The following MTO1 variants were observed in gnomAD, a reference collection of about 807,000 sequenced individuals.
The protein encoded by MTO1 is mitochondrial tRNA translation optimization 1.
In MTO1, 46 loss-of-function variants were observed where a neutral mutation model predicts 71.6. That is an observed-to-expected ratio of 0.64 (90% CI 0.51 to 0.82). The LOEUF (loss-of-function observed/expected upper bound fraction) is 0.82. Ranked by LOEUF, MTO1 falls within the 40% of genes least tolerant of loss-of-function variation. The pLI, the probability that MTO1 is intolerant of heterozygous loss-of-function variation, is 0.00. For missense variants in MTO1, 773 were observed against 867.5 expected (o/e 0.89, Z 1.37); for synonymous variants, 297 against 312.1 (o/e 0.95, Z 0.51).
At chr6:73,470,452 CA>C (rs1342956608) in intron 3 of MTO1, among the ~76,000 whole-genome samples, 2 of 152,072 alleles carry the variant, frequency 1.3e-5, no homozygotes, top group African/African-American at 4.8e-5. Context: ...GTGGTCCGCC[CA>C]CCTCGGCCTC....
chr6:73,492,342 G>A lies in MTO1; in HGVS notation c.1746G>A (p.Leu582=). 1 of 1,602,708 alleles carries A rather than the reference G, an allele frequency of 6.2e-7. No individual in the cohort carries two copies. Among genetic ancestry groups the A allele is most frequent in the South Asian group, 1.1e-5 (1 of 90,850 alleles). The change falls in exon 10 of 12, where the codon CTG becomes CTA. Residue 582 remains leucine (L), a synonymous_variant. Transcript: ENST00000498286. ...YTKCRELAER[L]KIEATYESVL... is the part of the protein sequence containing the mutation. ...AATGTAGAGAGCTGGCTGAAAGACT[G>A]AAAATAGAAGGTAGAAAATAATTTT... is the stretch of plus-strand genomic sequence containing the variant.
intron 1 of MTO1, among the ~76,000 whole-genome samples, chr6:73,462,892 T>A (rs1030083095): frequency 2.0e-5 from 3 of 152,172 alleles, no homozygotes; most frequent in Non-Finnish European, 2.9e-5. Flanking sequence ...CTCCGCTTTC[T>A]GGACTCAAGA....
intron 11 of MTO1, among the ~76,000 whole-genome samples, chr6:73,499,426 G>A (rs1370826235): frequency 6.6e-6 from 1 of 151,742 alleles, no homozygotes; most frequent in Admixed American, 6.6e-5. Flanking sequence ...GGAGGCTGAG[G>A]TGGGAGGATC....
chr6:73,481,912 A>T, intron 7 of MTO1, 128 bp from the exon 8 acceptor site: 1 of 903,154 alleles, frequency 1.1e-6, no homozygotes. Context: ...TTCTACCTCT[A>T]TTATATCCCT....
intron 9 of MTO1, among the ~76,000 whole-genome samples, chr6:73,483,265 C>T (rs190857546): frequency 8.8e-4 from 133 of 151,894 alleles, no homozygotes; most frequent in Non-Finnish European, 1.6e-3. Context: ...AAAAATTAGC[C>T]GGGCGTGGTA....
Position 73,499,007 on chromosome 6 carries a change from G to A in MTO1, c.1917+1111G>A, listed in dbSNP as rs147415740. Among the ~76,000 whole-genome samples, 47 of 152,196 alleles carry A rather than the reference G, an allele frequency of 3.1e-4. No individual in the cohort carries two copies. The East Asian group carries it at 3.1e-3, about 10-fold the overall frequency. On this transcript the variant is annotated intron_variant, in intron 11 of 11. Coordinates refer to ENST00000498286, the MANE Select transcript of MTO1 (RefSeq NM_012123.4). Reference sequence around the variant, plus strand: ...CTCCCAAAGTCCTGGGATTACAGGCGTGAGCCACCGTGCCTGGCCAGTTGC... The same window carrying A: ...CTCCCAAAGTCCTGGGATTACAGGCATGAGCCACCGTGCCTGGCCAGTTGC...
At chr6:73,476,358 G>A (rs1771318399) in intron 4 of MTO1, among the ~76,000 whole-genome samples, 2 of 140,598 alleles carry the variant, frequency 1.4e-5, no homozygotes, top group Admixed American at 1.5e-4. Context: ...TCCAGCCTGG[G>A]CAACAGCAAG....
Position 73,500,610 on chromosome 6 carries a change from G to T in MTO1, c.1954G>T (p.Ala652Ser). ...TAGTCGCATACCCGGAGTAACACCT[G>T]CCGCCATCATCAATCTGCTGAGATT... Reference protein sequence around the residue: ...AASRIPGVTPAAIINLLRFVK... With the variant: ...AASRIPGVTPSAIINLLRFVK... Residue 652 changes from alanine to serine, a missense_variant, in exon 12 of 12, where the codon GCC becomes TCC. By Grantham distance (99) the Ala-to-Ser change is moderately conservative. Transcript: ENST00000498286. The T allele has an allele frequency of 6.2e-7, 1 of 1,613,778 alleles. No individual in the cohort carries two copies. The highest frequency in any genetic ancestry group is 2.2e-5 in the East Asian group (1 of 44,870).
intron 9 of MTO1, among the ~76,000 whole-genome samples, chr6:73,484,153 G>A (rs989925615): frequency 9.2e-5 from 14 of 152,130 alleles, no homozygotes; most frequent in African/African-American, 3.1e-4. Flanking sequence ...AATAGTAACA[G>A]CAGGTTTTAA....
chr6:73,482,317 A>G, intron 8 of MTO1, 73 bp downstream of exon 8: 1 of 1,574,500 alleles, frequency 6.4e-7, no homozygotes, highest in Non-Finnish European at 8.7e-7. Flanking sequence ...AATTTGAGAG[A>G]CCAAGGCAAG....
Position 73,506,990 on chromosome 6 carries a change from C to T in MTO1, c.*6255C>T, listed in dbSNP as rs1192687304. ...CTCTGGGATTACAGGCGTGCGCCAC[C>T]GCGCTCGGTCTATATTCACCAATTT... On this transcript the variant is annotated 3_prime_UTR_variant, in exon 12 of 12. Coordinates refer to ENST00000498286, the MANE Select transcript of MTO1 (RefSeq NM_012123.4). 1.3e-5 allele frequency: 2 copies of T among 148,614 alleles called. No individual in the cohort carries two copies. Among genetic ancestry groups the T allele is most frequent in the East Asian group, 2.0e-4 (1 of 4,882 alleles). 9.2% of individuals were successfully genotyped at this position (148,614 alleles called of 1,614,324 possible).
intron 10 of MTO1, among the ~76,000 whole-genome samples, chr6:73,493,043 G>T: frequency 7.0e-6 from 1 of 142,856 alleles, no homozygotes. Context: ...TGCCCAGGCT[G>T]GGGTGCAGTG....
chr6:73,482,680 A>G, intron 9 of MTO1, 60 bp downstream of exon 9: 1 of 1,410,702 alleles, frequency 7.1e-7, no homozygotes, highest in Non-Finnish European at 9.6e-7. Context: ...TCATAAGATC[A>G]TTTCATAGAG....
chr6:73,495,820 T>C (rs1410217400), intron 10 of MTO1, among the ~76,000 whole-genome samples: 2 of 152,180 alleles, frequency 1.3e-5, no homozygotes, highest in Non-Finnish European at 2.9e-5. Flanking sequence ...TATATTACAA[T>C]TTGCTGTACT....
chr6:73,462,016 C>A lies in MTO1; in HGVS notation c.162C>A (p.Ala54=). ...ATGCCGGGACTGAGGCAGCCACCGC[C>A]GCCGCTCGGTGCGGCTCTCGGACTC... ...GGHAGTEAAT[A]AARCGSRTLL... is the part of the protein sequence containing the mutation. Residue 54 remains alanine (A), a synonymous_variant, in exon 1 of 12, where the codon GCC becomes GCA. Transcript: ENST00000498286. 2 of 1,614,068 alleles carry A rather than the reference C, an allele frequency of 1.2e-6. No individual in the cohort carries two copies. Among genetic ancestry groups the A allele is most frequent in the Non-Finnish European group, 1.7e-6 (2 of 1,179,998 alleles).
intron 1 of MTO1, chr6:73,462,319 C>CG (rs1561937375): frequency 1.8e-6 from 1 of 557,906 alleles, no homozygotes; most frequent in African/African-American, 1.9e-5. Context: ...GGTTGGGGTT[C>CG]GGGGTCAGTG....
rs1463453464 is a variant in MTO1, at chr6:73,482,230, G to A, written c.1451G>A (p.Arg484Gln). The A allele has an allele frequency of 5.0e-6, 8 of 1,613,928 alleles. No individual in the cohort carries two copies. Among genetic ancestry groups the A allele is most frequent in the African/African-American group, 2.7e-5 (2 of 74,876 alleles). Residue 484 changes from arginine to glutamine, a missense_variant, in exon 8 of 12, where the codon CGG becomes CAG. By Grantham distance (43) the Arg-to-Gln change is conservative. Transcript: ENST00000498286. The part of the protein sequence containing the change: ...LSLRPDNADS[R>Q]LTLRGYKDAG... ...CTGCGCCCTGATAATGCTGACAGCCGGCTCACACTGCGAGGTAACTCTTTC... is the reference window on the plus strand; with the variant it reads ...CTGCGCCCTGATAATGCTGACAGCCAGCTCACACTGCGAGGTAACTCTTTC...
In MTO1 at chr6:73,482,076, A is replaced by G; in HGVS notation, c.1297A>G (p.Ser433Gly). ...IAGINASLRVSRKPPFVVSRT... is the reference protein window; with the variant it reads ...IAGINASLRVGRKPPFVVSRT... ...CGGAATCAACGCCAGTCTTCGGGTC[A>G]GTCGCAAGCCTCCCTTTGTGGTTAG... is the stretch of plus-strand genomic sequence containing the variant. Residue 433 changes from serine to glycine, a missense_variant, in exon 8 of 12, where the codon AGT becomes GGT. By Grantham distance (56) the Ser-to-Gly change is moderately conservative. Coordinates refer to ENST00000498286, the MANE Select transcript of MTO1 (RefSeq NM_012123.4). 6.2e-7 allele frequency: 1 copy of G among 1,614,190 alleles called. No individual in the cohort carries two copies. The highest frequency in any genetic ancestry group is 8.5e-7 in the Non-Finnish European group (1 of 1,180,038).
chr6:73,473,331 GA>G, intron 3 of MTO1, 33 bp from the exon 4 acceptor site: 1 of 1,558,198 alleles, frequency 6.4e-7, no homozygotes, highest in East Asian at 2.3e-5. Context: ...TAGATACATA[GA>G]TAATGACTTT....
Sources: allele counts gnomAD v4.1 joint callset (sites outside exome capture counted in the v4.1 genomes callset), GRCh38; gene constraint gnomAD v4.1.1; transcripts MANE v1.5; gene names NCBI Gene and HGNC (gene_info 2026-07-23, HGNC 2026-07-21).